Variants in GREB1L observed in about 807,000 individuals in gnomAD.
The protein encoded by GREB1L is GREB1-like protein.
In GREB1L, 17 loss-of-function variants were observed where a neutral mutation model predicts 200.8. The ratio of observed to expected loss-of-function variants is 0.08; its 90% CI spans 0.06 to 0.13. The LOEUF (loss-of-function observed/expected upper bound fraction) is 0.13. Ranked by LOEUF, GREB1L falls within the 10% of genes least tolerant of loss-of-function variation. The pLI, the probability that GREB1L is intolerant of heterozygous loss-of-function variation, is 1.00. For missense variants in GREB1L, 1,657 were observed against 2,367.7 expected (o/e 0.70, Z 6.23); for synonymous variants, 789 against 893.0 (o/e 0.88, Z 2.08).
Position 21,351,643 on chromosome 18 carries a change from A to G in GREB1L, c.-119-14384A>G, listed in dbSNP as rs529113970. Among the ~76,000 whole-genome samples, 4 of 151,948 alleles carry G rather than the reference A, an allele frequency of 2.6e-5. No individual in the cohort carries two copies. In the South Asian group the frequency reaches 8.3e-4, roughly 32 times the overall value. The stretch of plus-strand genomic sequence containing the variant: ...TGGGGATGGCAATAAAATCAAATGG[A>G]AAGGAATAGATATTACATTCTGGGG... On this transcript the variant is annotated intron_variant, in intron 1 of 32. Transcript: ENST00000424526.
At chr18:21,418,905 G>A (rs1418862403) in intron 7 of GREB1L, among the ~76,000 whole-genome samples, 7 of 152,296 alleles carry the variant, frequency 4.6e-5, no homozygotes, top group African/African-American at 1.7e-4. Flanking sequence ...GTACAGTCAT[G>A]TACCACATAA....
At chr18:21,453,927 A>G (rs1457288392) in intron 14 of GREB1L, among the ~76,000 whole-genome samples, 2 of 152,180 alleles carry the variant, frequency 1.3e-5, no homozygotes, top group Non-Finnish European at 2.9e-5. Context: ...CAGCATCATG[A>G]TCATTATGGC....
intron 5 of GREB1L, among the ~76,000 whole-genome samples, chr18:21,396,363 C>T (rs967735455): frequency 7.9e-5 from 12 of 152,088 alleles, no homozygotes; most frequent in Non-Finnish European, 1.5e-4. Flanking sequence ...TTTATTAATT[C>T]TCAAAACACT....
rs1172029067 is a variant in GREB1L at position 21,441,547 on chromosome 18, T to C, written c.1207+10T>C. ...CCAGTAATTCTGATAGGTAAGGTAA[T>C]GGAATTCCAAGTTGCCTGTGTCTGC... On this transcript the variant is annotated intron_variant, in intron 10 of 32. Transcript: ENST00000424526. 3 of 1,542,758 alleles carry C rather than the reference T, an allele frequency of 1.9e-6. No individual in the cohort carries two copies. The highest frequency in any genetic ancestry group is 2.1e-5 in the Admixed American group (1 of 48,440).
chr18:21,486,971 C>G (rs1042432358), intron 18 of GREB1L, among the ~76,000 whole-genome samples: 2 of 152,202 alleles, frequency 1.3e-5, no homozygotes, highest in African/African-American at 4.8e-5. Flanking sequence ...TGGATGCATC[C>G]TATTCAGTAG....
intron 27 of GREB1L, among the ~76,000 whole-genome samples, chr18:21,510,558 G>A (rs1279092481): frequency 1.3e-5 from 2 of 152,154 alleles, no homozygotes; most frequent in African/African-American, 4.8e-5. Flanking sequence ...TCCATTTTAT[G>A]TATCTACTAC....
intron 1 of GREB1L, among the ~76,000 whole-genome samples, chr18:21,287,477 AAG>A: frequency 6.6e-6 from 1 of 152,302 alleles, no homozygotes; most frequent in Middle Eastern, 3.4e-3. Flanking sequence ...CTTTCGAAAG[AAG>A]ATCATCGGAA....
In GREB1L at chr18:21,367,391, T is replaced by C. The variant is rs116265530; in HGVS notation, c.-10+1255T>C. ...AAAATGTTTATCATTTTAGTGTTTC[T>C]CTCTCAGGAAGAATTTTGCACTGTT... is the stretch of plus-strand genomic sequence containing the variant. On this transcript the variant is annotated intron_variant, in intron 2 of 32. Coordinates refer to ENST00000424526, the MANE Select transcript of GREB1L (RefSeq NM_001142966.3). Among the ~76,000 whole-genome samples, 467 of 152,288 alleles carry C rather than the reference T, an allele frequency of 3.1e-3. 2 individuals carry two copies. Among genetic ancestry groups the C allele is most frequent in the African/African-American group, 0.011 (445 of 41,568 alleles).
At chr18:21,254,508 G>A (rs531778030) in intron 1 of GREB1L, among the ~76,000 whole-genome samples, 6 of 151,768 alleles carry the variant, frequency 4.0e-5, no homozygotes, top group South Asian at 4.2e-4. Context: ...CTCCCTTAGC[G>A]TTTCCCAAAG....
At chr18:21,495,220 G>A (rs1046546515) in intron 19 of GREB1L, among the ~76,000 whole-genome samples, 2 of 152,182 alleles carry the variant, frequency 1.3e-5, no homozygotes, top group African/African-American at 4.8e-5. Context: ...TTGGTGAAAT[G>A]TCTGTTTTAA....
chr18:21,391,528 G>T (rs2040805905), intron 4 of GREB1L, among the ~76,000 whole-genome samples: 1 of 152,228 alleles, frequency 6.6e-6, no homozygotes, highest in Non-Finnish European at 1.5e-5. Flanking sequence ...CAAAGGAGCA[G>T]TTAATTAGGA....
intron 2 of GREB1L, among the ~76,000 whole-genome samples, chr18:21,376,842 A>G (rs2040098221): frequency 6.6e-6 from 1 of 151,616 alleles, no homozygotes; most frequent in African/African-American, 2.4e-5. Context: ...AAGAAAGCCA[A>G]CTTGTAATTT....
At chr18:21,420,410 G>A (rs1235414525) in intron 7 of GREB1L, among the ~76,000 whole-genome samples, 1 of 151,546 alleles carries the variant, frequency 6.6e-6, no homozygotes, top group Non-Finnish European at 1.5e-5. Context: ...CACAGGATAG[G>A]AGAAAAATCT....
rs140882830 is a variant in GREB1L, at chr18:21,444,404, G to A, written c.1388G>A (p.Arg463Gln). ...CTTCTGACGATACAGTATCTTGTGC[G>A]GCTGGGTAAGTCATTTTCCATAATC... ...MILLTIQYLV[R>Q]LGPDQVPLRE... is the part of the protein sequence containing the mutation. Residue 463 changes from arginine (R) to glutamine (Q), a missense_variant, in exon 11 of 33, where the codon CGG becomes CAG. Arg to Gln is a conservative substitution (Grantham distance 43). This residue lies in a region of GREB1L where 289 missense variants were observed against 345.1 expected (regional missense o/e 0.84). Transcript: ENST00000424526. 2.3e-4 allele frequency: 354 copies of A among 1,550,688 alleles called. No individual in the cohort carries two copies. The African/African-American group carries it at 3.8e-3, about 17-fold the overall frequency.
At chr18:21,399,458 T>TGGAC (rs2144484215) in intron 5 of GREB1L, among the ~76,000 whole-genome samples, 1 of 149,408 alleles carries the variant, frequency 6.7e-6, no homozygotes, top group Non-Finnish European at 1.5e-5. Context: ...GATGGTTGGA[T>TGGAC]GGATGGATGG....
chr18:21,291,166 G>A (rs2038443820), intron 1 of GREB1L, among the ~76,000 whole-genome samples: 2 of 152,054 alleles, frequency 1.3e-5, no homozygotes, highest in African/African-American at 4.8e-5. Flanking sequence ...CTCCCCCCAG[G>A]CAGTACCCTA....
intron 7 of GREB1L, among the ~76,000 whole-genome samples, chr18:21,432,705 CTT>C (rs11380208): frequency 2.1e-5 from 2 of 94,364 alleles, no homozygotes; most frequent in Non-Finnish European, 4.0e-5. Flanking sequence ...TCTTTTTTTT[CTT>C]TTTTTTTTTT....
chr18:21,336,913 C>A (rs2039194227), intron 1 of GREB1L, among the ~76,000 whole-genome samples: 1 of 152,148 alleles, frequency 6.6e-6, no homozygotes, highest in Non-Finnish European at 1.5e-5. Context: ...GAACTCTTCT[C>A]CTTTCTGGTT....
intron 7 of GREB1L, among the ~76,000 whole-genome samples, chr18:21,437,357 G>A (rs554256480): frequency 2.0e-4 from 31 of 152,254 alleles, no homozygotes; most frequent in African/African-American, 6.5e-4. Context: ...ATGGAATCAA[G>A]TTTTTACAGC....
Sources: gnomAD v4.1 joint callset for allele counts (sites outside exome capture counted in the v4.1 genomes callset) on GRCh38, gnomAD v4.1.1 for gene constraint, gnomAD v4.1.1 regional missense constraint, MANE v1.5 for transcripts, NCBI Gene and HGNC (gene_info 2026-07-23, HGNC 2026-07-21) for gene names.